Variants in RNF152 observed in about 807,000 individuals in gnomAD.
RNF152 encodes E3 ubiquitin-protein ligase RNF152.
A neutral mutation model predicts 12.7 loss-of-function variants in RNF152; 11 were observed. The ratio of observed to expected loss-of-function variants is 0.86; its 90% CI spans 0.54 to 1.43. The LOEUF is 1.43. RNF152 is among the 40% of genes most tolerant of loss of function. The pLI is 0.00. For synonymous variants in RNF152, 113 were observed against 120.3 expected (o/e 0.94, Z 0.40); for missense variants, 255 against 274.8 (o/e 0.93, Z 0.51).
At chr18:61,818,176 A>C (rs554056640) in intron 1 of RNF152, among the ~76,000 whole-genome samples, 14 of 152,302 alleles carry the variant, frequency 9.2e-5, no homozygotes, top group African/African-American at 2.9e-4. Flanking sequence ...CAATCCCAGC[A>C]CTTTGGGAGG....
intron 1 of RNF152, among the ~76,000 whole-genome samples, chr18:61,866,399 A>G (rs903285637): frequency 3.3e-5 from 5 of 152,098 alleles, no homozygotes; most frequent in African/African-American, 1.2e-4. Flanking sequence ...ATGTTCAAAC[A>G]CTACCCCAAG....
At chr18:61,858,502 C>T (rs947105558) in intron 1 of RNF152, among the ~76,000 whole-genome samples, 10 of 152,088 alleles carry the variant, frequency 6.6e-5, no homozygotes, top group African/African-American at 2.2e-4. Flanking sequence ...ATATTTCCCC[C>T]GATACCTTCT....
intron 1 of RNF152, among the ~76,000 whole-genome samples, chr18:61,869,036 T>C (rs76417275): frequency 0.032 from 4,861 of 152,280 alleles, 270 homozygotes; most frequent in African/African-American, 0.11. Context: ...TTTATAAGCA[T>C]TTGAGGTTAT....
At chr18:61,839,672 G>A (rs1010744828) in intron 1 of RNF152, among the ~76,000 whole-genome samples, 2 of 152,026 alleles carry the variant, frequency 1.3e-5, no homozygotes, top group Non-Finnish European at 2.9e-5. Context: ...GAGGCGGGCG[G>A]ATCACAAGGT....
At chr18:61,820,020 CAAAAAAAA>C (rs1165545204) in intron 1 of RNF152, among the ~76,000 whole-genome samples, 2 of 64,386 alleles carry the variant, frequency 3.1e-5, no homozygotes, top group African/African-American at 6.4e-5. Flanking sequence ...GACACTATCT[CAAAAAAAA>C]AAAAAAAAAA....
chr18:61,877,855 C>T (rs1180045213), intron 1 of RNF152, among the ~76,000 whole-genome samples: 1 of 152,212 alleles, frequency 6.6e-6, no homozygotes, highest in Non-Finnish European at 1.5e-5. Context: ...CAGGGAAAGT[C>T]AGACAGTAGA....
chr18:61,824,473 G>A (rs1025806283), intron 1 of RNF152, among the ~76,000 whole-genome samples: 2 of 152,168 alleles, frequency 1.3e-5, no homozygotes, highest in Non-Finnish European at 2.9e-5. Flanking sequence ...TAGTGATCTG[G>A]CAAGAATGCG....
intron 1 of RNF152, among the ~76,000 whole-genome samples, chr18:61,865,244 T>C (rs1192215808): frequency 6.6e-6 from 1 of 152,168 alleles, no homozygotes; most frequent in African/African-American, 2.4e-5. Flanking sequence ...GGAAACCATA[T>C]CTACAAAATG....
At chr18:61,870,524 G>A (rs557527611) in intron 1 of RNF152, among the ~76,000 whole-genome samples, 1 of 152,262 alleles carries the variant, frequency 6.6e-6, no homozygotes, top group African/African-American at 2.4e-5. Context: ...CGACTCTGTG[G>A]TTCCAAAGCC....
intron 1 of RNF152, among the ~76,000 whole-genome samples, chr18:61,849,242 C>T (rs1159469325): frequency 2.0e-5 from 3 of 152,212 alleles, no homozygotes; most frequent in Non-Finnish European, 4.4e-5. Flanking sequence ...GTCTCCAGTA[C>T]ATAACACATA....
rs1411889012 is a variant in RNF152 at position 61,811,128 on chromosome 18, AT to A, written c.*4723del. ...CATTGATGAGTTCTAGAAAAAAAAA[AT>A]CAACCCATTTCTGCTAAAATGAAGT... On this transcript the variant is annotated 3_prime_UTR_variant, in exon 2 of 2. Transcript: ENST00000312828. The A allele has an allele frequency of 2.6e-5, 4 of 152,204 alleles. No individual in the cohort carries two copies. Among genetic ancestry groups the A allele is most frequent in the African/African-American group, 7.2e-5 (3 of 41,464 alleles). 9.4% of individuals were successfully genotyped at this position (152,204 alleles called of 1,614,324 possible).
intron 1 of RNF152, chr18:61,888,316 T>G (rs1330965591): frequency 6.6e-6 from 1 of 152,218 alleles, no homozygotes; most frequent in Non-Finnish European, 1.5e-5. Context: ...GTGAGTCAAT[T>G]AGAAATTGAA....
intron 1 of RNF152, among the ~76,000 whole-genome samples, chr18:61,824,814 T>G (rs937835935): frequency 3.9e-5 from 6 of 152,290 alleles, no homozygotes; most frequent in African/African-American, 1.4e-4. Flanking sequence ...TTATCTTCAT[T>G]TGCTCTAATC....
chr18:61,873,962 C>T (rs114508807), intron 1 of RNF152, among the ~76,000 whole-genome samples: 4,252 of 152,244 alleles, frequency 0.028, 206 homozygotes, highest in African/African-American at 0.097. Flanking sequence ...AAGTAAACCC[C>T]TTGCATCCTC....
intron 1 of RNF152, among the ~76,000 whole-genome samples, chr18:61,887,062 C>T (rs1912733270): frequency 1.3e-5 from 2 of 152,194 alleles, no homozygotes; most frequent in Non-Finnish European, 2.9e-5. Context: ...CAATGAAAAA[C>T]ATTTTGGGCA....
chr18:61,860,327 G>T (rs144331352), intron 1 of RNF152, among the ~76,000 whole-genome samples: 1 of 152,174 alleles, frequency 6.6e-6, no homozygotes, highest in Non-Finnish European at 1.5e-5. Flanking sequence ...AAACCCTCCC[G>T]ATTCAGAAGC....
At chr18:61,850,668 A>C (rs1022571706) in intron 1 of RNF152, among the ~76,000 whole-genome samples, 1 of 152,220 alleles carries the variant, frequency 6.6e-6, no homozygotes, top group Non-Finnish European at 1.5e-5. Context: ...GCTATGAAAA[A>C]AATATAAATT....
At chr18:61,831,418 A>G (rs1470461972) in intron 1 of RNF152, among the ~76,000 whole-genome samples, 1 of 152,212 alleles carries the variant, frequency 6.6e-6, no homozygotes, top group Admixed American at 6.5e-5. Flanking sequence ...CTTGCCCAGC[A>G]CAGTAGATGG....
rs781381189 is a variant in RNF152, at chr18:61,815,987, GC to G, written c.476del (p.Gly159AlafsTer3). On this transcript the variant is annotated frameshift_variant, in exon 2 of 2. Coordinates refer to ENST00000312828, the MANE Select transcript of RNF152 (RefSeq NM_173557.3). LOFTEE classifies it high-confidence loss of function. ...EAVEEEQDRR[G>X]VVKSSTWSGV... ...CCGACCAGGTGGAGCTTTTCACCAC[GC>G]CCCGCCTGTCCTGCTCCTCCTCCAC... 6.2e-7 allele frequency: 1 copy of G among 1,614,034 alleles called. No homozygotes were observed. Among genetic ancestry groups the G allele is most frequent in the African/African-American group, 1.3e-5 (1 of 74,952 alleles).
Sources: gnomAD v4.1 joint callset for allele counts (sites outside exome capture counted in the v4.1 genomes callset) on GRCh38, gnomAD v4.1.1 for gene constraint, MANE v1.5 for transcripts, NCBI Gene and HGNC (gene_info 2026-07-23, HGNC 2026-07-21) for gene names.